The following DIAPH3 variants were observed in gnomAD, a reference collection of about 807,000 sequenced individuals.
DIAPH3 encodes protein diaphanous homolog 3.
In DIAPH3, 117 loss-of-function variants were observed where a neutral mutation model predicts 144.3. That is an observed-to-expected ratio of 0.81 (90% CI 0.70 to 0.95). The LOEUF is 0.95. DIAPH3 is among the 40% of genes least tolerant of loss of function. The pLI is 0.00. For missense variants in DIAPH3, 1,421 were observed against 1,412.7 expected (o/e 1.01, Z -0.09); for synonymous variants, 519 against 488.9 (o/e 1.06, Z -0.81).
chr13:59,801,623 T>A (rs1306140966), intron 25 of DIAPH3, among the ~76,000 whole-genome samples: 3 of 152,204 alleles, frequency 2.0e-5, no homozygotes, highest in African/African-American at 7.2e-5. Flanking sequence ...CTAAAGACAG[T>A]CAGTCATCTA....
chr13:59,766,328 A>G (rs1431833995), intron 27 of DIAPH3, among the ~76,000 whole-genome samples: 1 of 152,160 alleles, frequency 6.6e-6, no homozygotes, highest in Non-Finnish European at 1.5e-5. Context: ...CCATTAATGT[A>G]AAAATTATTT....
chr13:60,091,408 C>T (rs2057926957), intron 4 of DIAPH3, among the ~76,000 whole-genome samples: 1 of 152,158 alleles, frequency 6.6e-6, no homozygotes, highest in Non-Finnish European at 1.5e-5. Flanking sequence ...AGCAATCCTC[C>T]CACCTCAGCC....
Position 59,666,744 on chromosome 13 carries a change from T to C in DIAPH3, c.3422A>G (p.Asp1141Gly). ...PVAKELNYNLDTHTSTGRIKA... is the reference protein window; with the variant it reads ...PVAKELNYNLGTHTSTGRIKA... ...GATCCTCCCAGTAGACGTATGAGTG[T>C]CTAGATTATAATTAAGCTCCTTGGC... The change falls in exon 28 of 28, where the codon GAC becomes GGC. Residue 1141 changes from aspartate to glycine, a missense_variant. Physicochemically the swap from Asp to Gly is moderately conservative, Grantham distance 94. Coordinates refer to ENST00000400324, the MANE Select transcript of DIAPH3 (RefSeq NM_001042517.2). 1 of 1,614,160 alleles carries C rather than the reference T, an allele frequency of 6.2e-7. No individual in the cohort carries two copies. The highest frequency in any genetic ancestry group is 8.5e-7 in the Non-Finnish European group (1 of 1,180,010).
At chr13:59,775,303 T>G (rs1357454304) in intron 25 of DIAPH3, among the ~76,000 whole-genome samples, 18 of 152,220 alleles carry the variant, frequency 1.2e-4, no homozygotes, top group Non-Finnish European at 1.5e-5. Flanking sequence ...AGTGCAGTGG[T>G]GAGATCTCTA....
At chr13:59,781,635 T>C (rs2038743572) in intron 25 of DIAPH3, among the ~76,000 whole-genome samples, 2 of 152,268 alleles carry the variant, frequency 1.3e-5, no homozygotes, top group Admixed American at 6.5e-5. Flanking sequence ...ATTTGCAAAA[T>C]GATTGCTGAT....
intron 27 of DIAPH3, among the ~76,000 whole-genome samples, chr13:59,689,737 T>C (rs2033405421): frequency 1.3e-5 from 2 of 151,738 alleles, no homozygotes; most frequent in South Asian, 2.1e-4. Context: ...GGGGGACAAG[T>C]TGGTTTTAGG....
At chr13:59,908,110 C>A (rs1231717156) in intron 20 of DIAPH3, among the ~76,000 whole-genome samples, 2 of 151,962 alleles carry the variant, frequency 1.3e-5, no homozygotes, top group Non-Finnish European at 2.9e-5. Context: ...GTGGCTCACA[C>A]CTGTAATCCC....
At position 59,712,524 on chromosome 13, in the gene DIAPH3, G is replaced by C. The variant is rs148066311; in HGVS notation, c.3320-45678C>G. Among the ~76,000 whole-genome samples the C allele has an allele frequency of 3.7e-3, 556 of 152,222 alleles. 2 individuals carry two copies. Among genetic ancestry groups the C allele is most frequent in the African/African-American group, 0.013 (533 of 41,546 alleles). ...GATTACAGCAATTCCCTCTGACCTA[G>C]TCTCCAGCCATCGACTCGGGCCCCC... On this transcript the variant is annotated intron_variant, in intron 27 of 27. Coordinates refer to ENST00000400324, the MANE Select transcript of DIAPH3 (RefSeq NM_001042517.2).
At chr13:60,040,540 C>T (rs1317519577) in intron 5 of DIAPH3, among the ~76,000 whole-genome samples, 1 of 152,014 alleles carries the variant, frequency 6.6e-6, no homozygotes, top group Non-Finnish European at 1.5e-5. Context: ...TATATAAAAA[C>T]CTTCTATTTT....
intron 20 of DIAPH3, among the ~76,000 whole-genome samples, chr13:59,898,900 G>A (rs1412828310): frequency 6.6e-6 from 1 of 152,148 alleles, no homozygotes; most frequent in East Asian, 1.9e-4. Flanking sequence ...GACTAGGAGA[G>A]GCAGACCCAC....
intron 25 of DIAPH3, among the ~76,000 whole-genome samples, chr13:59,797,274 C>T (rs1047404683): frequency 4.6e-5 from 7 of 152,148 alleles, no homozygotes; most frequent in South Asian, 4.1e-4. Context: ...AGAATATATG[C>T]CCATGAGGGC....
chr13:60,039,585 T>C (rs921099509), intron 5 of DIAPH3, among the ~76,000 whole-genome samples: 41 of 152,298 alleles, frequency 2.7e-4, no homozygotes, highest in African/African-American at 8.9e-4. Context: ...ACTACAGGTA[T>C]GAGCCACCGT....
At chr13:59,766,232 G>A (rs112716783) in intron 27 of DIAPH3, among the ~76,000 whole-genome samples, 1 of 152,028 alleles carries the variant, frequency 6.6e-6, no homozygotes, top group Non-Finnish European at 1.5e-5. Flanking sequence ...CACAGGGCCC[G>A]GGAGGCACCT....
At chr13:60,051,572 A>G (rs2056346147) in intron 4 of DIAPH3, among the ~76,000 whole-genome samples, 1 of 152,184 alleles carries the variant, frequency 6.6e-6, no homozygotes, top group Non-Finnish European at 1.5e-5. Context: ...GTAAGCTAAG[A>G]TCACACCATT....
intron 18 of DIAPH3, among the ~76,000 whole-genome samples, chr13:59,917,988 C>G (rs2047313236): frequency 6.9e-6 from 1 of 144,900 alleles, no homozygotes; most frequent in Non-Finnish European, 1.5e-5. Flanking sequence ...AAAATATAAT[C>G]ACTGAAGATG....
intron 20 of DIAPH3, among the ~76,000 whole-genome samples, chr13:59,884,650 G>A (rs2045317553): frequency 6.6e-6 from 1 of 151,912 alleles, no homozygotes. Flanking sequence ...TAAGACACTA[G>A]AGAAAAAATT....
intron 9 of DIAPH3, among the ~76,000 whole-genome samples, chr13:60,001,951 A>C (rs1339773514): frequency 6.6e-6 from 1 of 152,204 alleles, no homozygotes; most frequent in Non-Finnish European, 1.5e-5. Flanking sequence ...GTGACACCAC[A>C]TCAGCCCTGG....
chr13:60,100,912 G>T (rs1361309456), intron 3 of DIAPH3, among the ~76,000 whole-genome samples: 1 of 152,096 alleles, frequency 6.6e-6, no homozygotes, highest in East Asian at 1.9e-4. Flanking sequence ...AAATCCAAGG[G>T]TCCTGAGAGG....
intron 17 of DIAPH3, among the ~76,000 whole-genome samples, chr13:59,942,994 A>G (rs1566550429): frequency 6.6e-6 from 1 of 152,182 alleles, no homozygotes; most frequent in Non-Finnish European, 1.5e-5. Flanking sequence ...CAATATTACT[A>G]AAATATTCTT....
Sources: gnomAD v4.1 joint callset for allele counts (sites outside exome capture counted in the v4.1 genomes callset) on GRCh38, gnomAD v4.1.1 for gene constraint, MANE v1.5 for transcripts, NCBI Gene and HGNC (gene_info 2026-07-23, HGNC 2026-07-21) for gene names.